KCNQ3: variants seen among roughly 807,000 people sequenced by gnomAD.
The protein encoded by KCNQ3 is potassium voltage-gated channel subfamily KQT member 3.
In KCNQ3, 30 loss-of-function variants were observed where a neutral mutation model predicts 92.5. That is an observed-to-expected ratio of 0.32 (90% CI 0.24 to 0.44). The LOEUF (loss-of-function observed/expected upper bound fraction) is 0.44. KCNQ3 is among the 20% of genes least tolerant of loss of function. The pLI is 1.00. For missense variants in KCNQ3, 913 were observed against 1,140.3 expected (o/e 0.80, Z 2.87); for synonymous variants, 450 against 468.8 (o/e 0.96, Z 0.52).
chr8:132,479,955 C>T (rs998966121), intron 1 of KCNQ3, among the ~76,000 whole-genome samples, 192 bp downstream of exon 1: 2 of 92,308 alleles, frequency 2.2e-5, no homozygotes, highest in African/African-American at 1.3e-4. Flanking sequence ...CGGCAACACA[C>T]ACACACACAC....
At chr8:132,349,908 G>A (rs926767065) in intron 1 of KCNQ3, among the ~76,000 whole-genome samples, 2 of 152,190 alleles carry the variant, frequency 1.3e-5, no homozygotes, top group African/African-American at 4.8e-5. Context: ...TGTACTCAGA[G>A]GTGAAATGAC....
At chr8:132,386,000 G>A (rs1329841843) in intron 1 of KCNQ3, among the ~76,000 whole-genome samples, 1 of 151,904 alleles carries the variant, frequency 6.6e-6, no homozygotes, top group East Asian at 1.9e-4. Flanking sequence ...AAGTACCAAA[G>A]AAAAAGTAAA....
chr8:132,130,377 G>A (rs773518562), intron 14 of KCNQ3, among the ~76,000 whole-genome samples: 8 of 152,088 alleles, frequency 5.3e-5, no homozygotes, highest in South Asian at 4.1e-4. Context: ...GCGCCTGACC[G>A]GAAGGAAATA....
intron 1 of KCNQ3, among the ~76,000 whole-genome samples, chr8:132,383,484 G>A (rs1324464141): frequency 6.6e-6 from 1 of 152,190 alleles, no homozygotes; most frequent in Admixed American, 6.5e-5. Context: ...ATGAAGCAAA[G>A]AGAAGAAGGC....
At chr8:132,441,231 G>A (rs1821527125) in intron 1 of KCNQ3, among the ~76,000 whole-genome samples, 1 of 152,198 alleles carries the variant, frequency 6.6e-6, no homozygotes, top group Admixed American at 6.5e-5. Flanking sequence ...ATGTGTGCAT[G>A]TGTCTTTACA....
intron 1 of KCNQ3, among the ~76,000 whole-genome samples, chr8:132,364,833 CAT>C (rs1819274720): frequency 6.6e-6 from 1 of 152,072 alleles, no homozygotes; most frequent in Admixed American, 6.5e-5. Flanking sequence ...TAATAACAAA[CAT>C]TGATAAATTT....
chr8:132,357,361 G>C (rs1436928928), intron 1 of KCNQ3, among the ~76,000 whole-genome samples: 1 of 152,186 alleles, frequency 6.6e-6, no homozygotes, highest in Non-Finnish European at 1.5e-5. Context: ...GTGGAGAACA[G>C]GGGCTCGATT....
chr8:132,424,477 T>A (rs533961337), intron 1 of KCNQ3, among the ~76,000 whole-genome samples: 4 of 152,278 alleles, frequency 2.6e-5, no homozygotes, highest in Non-Finnish European at 5.9e-5. Context: ...TTGTTTCAAG[T>A]CCCACAGTCC....
intron 1 of KCNQ3, among the ~76,000 whole-genome samples, chr8:132,215,320 T>C (rs1037708050): frequency 3.9e-5 from 6 of 152,230 alleles, no homozygotes; most frequent in Non-Finnish European, 7.3e-5. Context: ...ATTCTAAGTG[T>C]ATGGAAGAGA....
At chr8:132,396,060 T>C (rs1278812815) in intron 1 of KCNQ3, among the ~76,000 whole-genome samples, 1 of 152,170 alleles carries the variant, frequency 6.6e-6, no homozygotes, top group Non-Finnish European at 1.5e-5. Flanking sequence ...CTAACGCCAG[T>C]CTCTCTGCCT....
At chr8:132,228,674 G>C (rs1432648706) in intron 1 of KCNQ3, among the ~76,000 whole-genome samples, 8 of 151,886 alleles carry the variant, frequency 5.3e-5, no homozygotes, top group Non-Finnish European at 7.4e-5. Flanking sequence ...GTATGTTTTT[G>C]GGGGAGGGTG....
chr8:132,171,576 T>C (rs2130115598), intron 7 of KCNQ3, among the ~76,000 whole-genome samples: 2 of 152,316 alleles, frequency 1.3e-5, no homozygotes, highest in South Asian at 4.1e-4. Context: ...GGCAGGTGCA[T>C]GTCCAACATC....
chr8:132,284,071 G>T (rs1047025434), intron 1 of KCNQ3, among the ~76,000 whole-genome samples: 2 of 152,168 alleles, frequency 1.3e-5, no homozygotes, highest in Non-Finnish European at 2.9e-5. Context: ...TGAATTACAT[G>T]CTATGAAGGA....
rs147161327 is a variant in KCNQ3, at chr8:132,197,723, C to T, written c.387-11542G>A. Among the ~76,000 whole-genome samples, 33 of 152,290 alleles carry T rather than the reference C, an allele frequency of 2.2e-4. No homozygotes were observed. In the East Asian group the frequency reaches 3.1e-3, roughly 14 times the overall value. On this transcript the variant is annotated intron_variant, in intron 1 of 14. Transcript: ENST00000388996. Reference sequence around the variant, plus strand: ...TGTATTCTATGTATCAGGCATGCTACGGACTGAAGTATTTGCCTTCTCTTG... The same window carrying T: ...TGTATTCTATGTATCAGGCATGCTATGGACTGAAGTATTTGCCTTCTCTTG...
chr8:132,161,123 TA>T (rs1825971209), intron 9 of KCNQ3, among the ~76,000 whole-genome samples: 1 of 152,192 alleles, frequency 6.6e-6, no homozygotes, highest in South Asian at 2.1e-4. Context: ...AGACAGCCCT[TA>T]TAAAGCCATA....
At chr8:132,465,637 G>C (rs1183881983) in intron 1 of KCNQ3, among the ~76,000 whole-genome samples, 1 of 152,146 alleles carries the variant, frequency 6.6e-6, no homozygotes, top group Admixed American at 6.6e-5. Flanking sequence ...CCAGCTACTC[G>C]GCAGGCTGAG....
intron 1 of KCNQ3, among the ~76,000 whole-genome samples, chr8:132,205,753 A>G (rs991898670): frequency 1.3e-5 from 2 of 152,152 alleles, no homozygotes; most frequent in African/African-American, 4.8e-5. Context: ...TCCCTGGAAG[A>G]CCCTCTTGTA....
At chr8:132,369,920 T>C (rs2130736219) in intron 1 of KCNQ3, among the ~76,000 whole-genome samples, 1 of 152,326 alleles carries the variant, frequency 6.6e-6, no homozygotes, top group Non-Finnish European at 1.5e-5. Flanking sequence ...AGGCTCTTTA[T>C]CCACACTTTC....
rs111708412 is a variant in KCNQ3 at position 132,349,589 on chromosome 8, G to A, written c.386+130558C>T. Reference sequence around the variant, plus strand: ...AAGAAGGGGCTTGGGATATGCATACGCATTTGGGTTTCCCCTCTTACACCT... The same window carrying A: ...AAGAAGGGGCTTGGGATATGCATACACATTTGGGTTTCCCCTCTTACACCT... On this transcript the variant is annotated intron_variant, in intron 1 of 14. Transcript: ENST00000388996. 4.7e-4 allele frequency among the ~76,000 whole-genome samples: 71 copies of A among 152,312 alleles called. 1 individual carries two copies. Among genetic ancestry groups the A allele is most frequent in the African/African-American group, 1.4e-3 (59 of 41,556 alleles).
Sources: allele counts gnomAD v4.1 joint callset (sites outside exome capture counted in the v4.1 genomes callset), GRCh38; gene constraint gnomAD v4.1.1; transcripts MANE v1.5; gene names NCBI Gene and HGNC (gene_info 2026-07-23, HGNC 2026-07-21).